Variants in TRHDE observed in about 807,000 individuals in gnomAD.
The protein encoded by TRHDE is thyrotropin-releasing hormone-degrading ectoenzyme.
TRHDE carries 72 observed loss-of-function variants against 125.7 expected under a neutral mutation model. The ratio of observed to expected loss-of-function variants is 0.57; its 90% CI spans 0.47 to 0.70. The LOEUF is 0.70. TRHDE is among the 30% of genes least tolerant of loss of function. TRHDE has a pLI of 0.00. For synonymous variants in TRHDE, 509 were observed against 509.1 expected, an observed-to-expected ratio of 1.00 and a Z score of 0.00; for missense variants, 1,110 against 1,327.1, an observed-to-expected ratio of 0.84 and a Z score of 2.54.
At chr12:72,381,937 A>G (rs572188229) in intron 3 of TRHDE, among the ~76,000 whole-genome samples, 25 of 152,254 alleles carry the variant, frequency 1.6e-4, no homozygotes, top group Admixed American at 5.9e-4. Context: ...TGGGTGAGTA[A>G]TCTGACTAGA....
At chr12:72,557,083 T>TA (rs1869960842) in intron 7 of TRHDE, among the ~76,000 whole-genome samples, 1 of 152,182 alleles carries the variant, frequency 6.6e-6, no homozygotes. Flanking sequence ...TTTCCTTGGG[T>TA]AAAGTTCAAA....
chr12:72,109,624 A>G (rs1875270755), intron 2 of TRHDE, among the ~76,000 whole-genome samples: 1 of 72,372 alleles, frequency 1.4e-5, no homozygotes, highest in Admixed American at 1.4e-4. Flanking sequence ...TTACACAACA[A>G]TGTTTTAAAC....
At chr12:72,178,829 A>G (rs1484208829) in intron 2 of TRHDE, among the ~76,000 whole-genome samples, 2 of 152,150 alleles carry the variant, frequency 1.3e-5, no homozygotes, top group African/African-American at 4.8e-5. Context: ...CTGAACTGTG[A>G]AAGCAAATAA....
intron 12 of TRHDE, among the ~76,000 whole-genome samples, chr12:72,588,957 C>T (rs1040261677): frequency 1.3e-5 from 2 of 152,108 alleles, no homozygotes; most frequent in East Asian, 1.9e-4. Context: ...CTTTTAAAAC[C>T]ATCAGATCTC....
chr12:72,534,953 G>A (rs1355272388), intron 6 of TRHDE, among the ~76,000 whole-genome samples: 2 of 151,954 alleles, frequency 1.3e-5, no homozygotes, highest in Non-Finnish European at 2.9e-5. Flanking sequence ...ATGGAAAAAA[G>A]CATTGGTAAG....
intron 2 of TRHDE, among the ~76,000 whole-genome samples, chr12:72,223,295 G>C (rs549089977): frequency 4.6e-5 from 7 of 152,108 alleles, no homozygotes; most frequent in Non-Finnish European, 1.0e-4. Context: ...TATCATGGAA[G>C]CTTGGCATCC....
intron 2 of TRHDE, among the ~76,000 whole-genome samples, chr12:72,156,428 G>A (rs1178931677): frequency 6.6e-6 from 1 of 152,180 alleles, no homozygotes; most frequent in Non-Finnish European, 1.5e-5. Flanking sequence ...ACATTCCCCA[G>A]TGAGATGAAC....
intron 2 of TRHDE, among the ~76,000 whole-genome samples, chr12:72,307,330 ATTT>A (rs11323954): frequency 7.3e-6 from 1 of 137,138 alleles, no homozygotes. Context: ...ATACCCAGCT[ATTT>A]TTTTTTTTTT....
intron 2 of TRHDE, among the ~76,000 whole-genome samples, chr12:72,188,815 T>C (rs1272049749): frequency 1.3e-5 from 2 of 152,242 alleles, no homozygotes; most frequent in East Asian, 3.8e-4. Context: ...ACCTTTGCCT[T>C]GCATATTAAC....
At chr12:72,572,659 T>G (rs1251017683) in intron 10 of TRHDE, among the ~76,000 whole-genome samples, 1 of 152,120 alleles carries the variant, frequency 6.6e-6, no homozygotes, top group African/African-American at 2.4e-5. Context: ...ACCTTCAGGT[T>G]TTAGTAGTAC....
At chr12:72,580,295 G>T (rs1191277929) in intron 12 of TRHDE, among the ~76,000 whole-genome samples, 3 of 152,100 alleles carry the variant, frequency 2.0e-5, no homozygotes, top group South Asian at 4.1e-4. Flanking sequence ...TTACAGTCTG[G>T]CACTGTTTTC....
chr12:72,157,734 C>A (rs2012140), intron 2 of TRHDE, among the ~76,000 whole-genome samples: 1 of 152,124 alleles, frequency 6.6e-6, no homozygotes, highest in Non-Finnish European at 1.5e-5. Flanking sequence ...TTAGATTTTT[C>A]TGTGAAGATG....
At chr12:72,363,994 C>G (rs1364486736) in intron 2 of TRHDE, among the ~76,000 whole-genome samples, 2 of 151,870 alleles carry the variant, frequency 1.3e-5, no homozygotes, top group African/African-American at 4.8e-5. Flanking sequence ...AACAGAGAGC[C>G]AAATCATGAG....
chr12:72,260,878 A>G (rs1282835103), intron 2 of TRHDE, among the ~76,000 whole-genome samples: 1 of 152,222 alleles, frequency 6.6e-6, no homozygotes, highest in Admixed American at 6.5e-5. Flanking sequence ...AGAAACTTTC[A>G]TTGTAGTAGA....
chr12:72,268,056 A>G (rs1171820427), upstream of TRHDE, among the ~76,000 whole-genome samples: 3 of 152,134 alleles, frequency 2.0e-5, no homozygotes, highest in Non-Finnish European at 4.4e-5. Flanking sequence ...AATTTCTCCA[A>G]ATTAAAAATT....
At chr12:72,369,520 A>G (rs182554051) in intron 2 of TRHDE, among the ~76,000 whole-genome samples, 55 of 152,326 alleles carry the variant, frequency 3.6e-4, no homozygotes, top group African/African-American at 1.3e-3. Flanking sequence ...TTTCTCTTCA[A>G]AATAAATGTA....
chr12:72,612,042 C>T lies in TRHDE; in HGVS notation c.2322-6849C>T, dbSNP rs568646732. On this transcript the variant is annotated intron_variant, in intron 12 of 18. Transcript: ENST00000261180. ...ACCACTGACCTCCACAACTTTATACCCTAACCTTTTTCCTCAGCTAACTCC... is the reference window on the plus strand; with the variant it reads ...ACCACTGACCTCCACAACTTTATACTCTAACCTTTTTCCTCAGCTAACTCC... Among the ~76,000 whole-genome samples, 7 of 152,226 alleles carry T rather than the reference C, an allele frequency of 4.6e-5. No homozygotes were observed. The East Asian group carries it at 1.2e-3, about 25-fold the overall frequency.
At chr12:72,600,457 T>C (rs1426892968) in intron 12 of TRHDE, among the ~76,000 whole-genome samples, 1 of 151,998 alleles carries the variant, frequency 6.6e-6, no homozygotes, top group Non-Finnish European at 1.5e-5. Flanking sequence ...GTTCTCCTTG[T>C]AGAGATCTTT....
Position 72,575,331 on chromosome 12 carries a change from C to T in TRHDE, c.2208C>T (p.Val736=). Residue 736 remains valine, a synonymous_variant, in exon 11 of 19, where the codon GTC becomes GTT. Transcript: ENST00000261180. ...GNINQTGYFR[V]NYDLRNWRLL... Reference sequence around the variant, plus strand: ...TCAATCAAACTGGCTATTTTAGAGTCAACTATGACCTAAGGAACTGGAGAT... The same window carrying T: ...TCAATCAAACTGGCTATTTTAGAGTTAACTATGACCTAAGGAACTGGAGAT... 1 of 1,613,506 alleles carries T rather than the reference C, an allele frequency of 6.2e-7. No individual in the cohort carries two copies. The highest frequency in any genetic ancestry group is 8.5e-7 in the Non-Finnish European group (1 of 1,179,676).
Sources: gnomAD v4.1 joint callset for allele counts (sites outside exome capture counted in the v4.1 genomes callset) on GRCh38, gnomAD v4.1.1 for gene constraint, MANE v1.5 for transcripts, NCBI Gene and HGNC (gene_info 2026-07-23, HGNC 2026-07-21) for gene names.